The following HECW2 variants were observed in gnomAD, a reference collection of about 807,000 sequenced individuals.
HECW2 encodes E3 ubiquitin-protein ligase HECW2.
In HECW2, 61 loss-of-function variants were observed where a neutral mutation model predicts 175.2. The observed-to-expected ratio is 0.35, with a 90% CI of 0.28 to 0.43. The LOEUF is 0.43. Among genes scored for constraint, HECW2 ranks in the 20% least tolerant of loss-of-function variants. The probability of loss-of-function intolerance (pLI) is 1.00; values close to 1 mark genes in which losing one functional copy is unlikely to be tolerated. For synonymous variants in HECW2, 671 were observed against 731.0 expected, an observed-to-expected ratio of 0.92 and a Z score of 1.32; for missense variants, 1,524 against 2,000.5, an observed-to-expected ratio of 0.76 and a Z score of 4.54.
intron 13 of HECW2, among the ~76,000 whole-genome samples, chr2:196,293,773 G>A (rs1690695269): frequency 6.6e-6 from 1 of 152,172 alleles, no homozygotes; most frequent in South Asian, 2.1e-4. Flanking sequence ...ATTGGACTAG[G>A]TTATTGGCTC....
intron 11 of HECW2, 127 bp downstream of exon 11, chr2:196,307,808 G>A (rs1409356092): frequency 3.5e-6 from 3 of 853,016 alleles, no homozygotes; most frequent in East Asian, 5.6e-5. Context: ...ATCAAAAGCG[G>A]TAACAGCTAC....
intron 1 of HECW2, among the ~76,000 whole-genome samples, chr2:196,527,329 C>G (rs1415013011): frequency 2.0e-5 from 3 of 152,268 alleles, no homozygotes; most frequent in African/African-American, 7.2e-5. Context: ...CCTCGCCCTG[C>G]TTCGGCTCAC....
chr2:196,444,945 C>T (rs867407659), intron 1 of HECW2, among the ~76,000 whole-genome samples: 2 of 152,168 alleles, frequency 1.3e-5, no homozygotes, highest in African/African-American at 2.4e-5. Context: ...GCAAATTTAT[C>T]TATTCTGTTA....
chr2:196,552,663 A>G (rs1462401061), intron 1 of HECW2, among the ~76,000 whole-genome samples: 1 of 151,954 alleles, frequency 6.6e-6, no homozygotes, highest in African/African-American at 2.4e-5. Flanking sequence ...CCCGCTCCCT[A>G]TGGTTCCTTA....
Position 196,201,003 on chromosome 2 carries a change from T to G in HECW2, c.*274A>C. 1 of 340,186 alleles carries G rather than the reference T, an allele frequency of 2.9e-6. No homozygotes were observed. Among genetic ancestry groups the G allele is most frequent in the Non-Finnish European group, 5.7e-6 (1 of 176,184 alleles). The allele number at this position is 340,186 out of a possible 1,614,324, so 21.1% of individuals were successfully genotyped here. On this transcript the variant is annotated 3_prime_UTR_variant, in exon 29 of 29. Transcript: ENST00000644978. ...CTGATCATGTATGGGTTCATCTTTG[T>G]CTTGGAACATAACAAATGGAAAAAG... is the stretch of plus-strand genomic sequence containing the variant.
chr2:196,511,278 C>T (rs574979507), intron 1 of HECW2, among the ~76,000 whole-genome samples: 2 of 152,188 alleles, frequency 1.3e-5, no homozygotes, highest in Non-Finnish European at 2.9e-5. Context: ...AATGTGAAAT[C>T]ACAACCTCAA....
chr2:196,450,673 G>T (rs550027133), intron 1 of HECW2, among the ~76,000 whole-genome samples: 7 of 151,840 alleles, frequency 4.6e-5, no homozygotes, highest in African/African-American at 2.4e-5. Context: ...TAGAGACAGG[G>T]TTTCACCATG....
chr2:196,208,175 A>C (rs1687138497), intron 28 of HECW2, among the ~76,000 whole-genome samples: 1 of 152,244 alleles, frequency 6.6e-6, no homozygotes, highest in Admixed American at 6.5e-5. Context: ...AGAATGGCTA[A>C]ATTTATTGAA....
intron 23 of HECW2, among the ~76,000 whole-genome samples, chr2:196,224,548 A>C (rs997398038): frequency 6.6e-6 from 1 of 152,190 alleles, no homozygotes; most frequent in African/African-American, 2.4e-5. Context: ...GAACCCGCAA[A>C]GTACAGTGTC....
At chr2:196,322,403 G>T in intron 7 of HECW2, 75 bp downstream of exon 7, 1 of 1,262,710 alleles carries the variant, frequency 7.9e-7, no homozygotes, top group Non-Finnish European at 1.1e-6. Flanking sequence ...AAAGTCCTAG[G>T]ACTACCAAGT....
intron 17 of HECW2, among the ~76,000 whole-genome samples, chr2:196,270,247 A>G (rs1015452423): frequency 6.6e-6 from 1 of 152,232 alleles, no homozygotes; most frequent in African/African-American, 2.4e-5. Context: ...GAGAGTCCAC[A>G]GTGGAGTTGA....
intron 13 of HECW2, among the ~76,000 whole-genome samples, chr2:196,295,454 C>A (rs573294647): frequency 1.3e-5 from 2 of 152,216 alleles, no homozygotes; most frequent in Non-Finnish European, 2.9e-5. Flanking sequence ...TGAGACCACA[C>A]TAGTTTGTGT....
intron 4 of HECW2, among the ~76,000 whole-genome samples, chr2:196,331,817 G>T (rs1340414573): frequency 6.6e-6 from 1 of 151,960 alleles, no homozygotes; most frequent in Non-Finnish European, 1.5e-5. Flanking sequence ...GAAAAACCAG[G>T]CATTACCACT....
chr2:196,214,375 C>CTT (rs1256891945), intron 28 of HECW2, among the ~76,000 whole-genome samples: 3 of 152,198 alleles, frequency 2.0e-5, no homozygotes, highest in East Asian at 3.8e-4. Context: ...ATTCCATATA[C>CTT]TTTAGTGGCT....
intron 1 of HECW2, among the ~76,000 whole-genome samples, chr2:196,436,400 CAAAAAA>C (rs35290180): frequency 1.2e-5 from 1 of 82,086 alleles, no homozygotes; most frequent in Non-Finnish European, 2.5e-5. Flanking sequence ...GACTCCATCT[CAAAAAA>C]AAAAAAAAAA....
intron 21 of HECW2, chr2:196,239,092 T>G (rs1688356859): frequency 6.6e-6 from 1 of 152,238 alleles, no homozygotes; most frequent in Non-Finnish European, 1.5e-5. Flanking sequence ...CATTTTCAAC[T>G]GTGCACCTTC....
chr2:196,566,750 A>C (rs1483758966), intron 1 of HECW2, among the ~76,000 whole-genome samples: 1 of 135,170 alleles, frequency 7.4e-6, no homozygotes, highest in African/African-American at 2.8e-5. Context: ...ATGCGGTTTC[A>C]GCATGTTGGC....
At chr2:196,331,214 T>C in intron 4 of HECW2, 1 of 985,080 alleles carries the variant, frequency 1.0e-6, no homozygotes, top group Non-Finnish European at 1.2e-6. Flanking sequence ...ATAGATCCAA[T>C]TCCTGGGTCA....
intron 13 of HECW2, among the ~76,000 whole-genome samples, chr2:196,299,302 C>T (rs13391397): frequency 0.22 from 31,581 of 145,916 alleles, 3,592 homozygotes; most frequent in Middle Eastern, 0.29. Context: ...AAAGGAAACA[C>T]GATAAAAACA....
Sources: allele counts gnomAD v4.1 joint callset (sites outside exome capture counted in the v4.1 genomes callset), GRCh38; gene constraint gnomAD v4.1.1; transcripts MANE v1.5; gene names NCBI Gene and HGNC (gene_info 2026-07-23, HGNC 2026-07-21).